The following PCCA variants were observed in gnomAD, a reference collection of about 807,000 sequenced individuals.
PCCA encodes the protein propionyl-CoA carboxylase subunit alpha, also known as propionyl-CoA carboxylase alpha chain, mitochondrial.
Under a neutral mutation model 101.3 loss-of-function variants are expected in PCCA, and 74 were observed. The ratio of observed to expected loss-of-function variants is 0.73; its 90% CI spans 0.61 to 0.89. The LOEUF is 0.89. Ranked by LOEUF, PCCA falls within the 40% of genes least tolerant of loss-of-function variation. The probability of loss-of-function intolerance (pLI) is 0.00; values close to 1 mark genes in which losing one functional copy is unlikely to be tolerated. For synonymous variants in PCCA, 294 were observed against 313.6 expected, an observed-to-expected ratio of 0.94 and a Z score of 0.66; for missense variants, 891 against 907.0, an observed-to-expected ratio of 0.98 and a Z score of 0.23.
At chr13:100,335,356 G>A (rs545351177) in intron 17 of PCCA, among the ~76,000 whole-genome samples, 6 of 152,252 alleles carry the variant, frequency 3.9e-5, no homozygotes, top group African/African-American at 1.4e-4. Flanking sequence ...AAAGGAAATA[G>A]CATTTGGTAA....
chr13:100,484,071 GT>G (rs1200898884), intron 21 of PCCA, among the ~76,000 whole-genome samples: 2 of 152,168 alleles, frequency 1.3e-5, no homozygotes, highest in African/African-American at 4.8e-5. Context: ...AAAGATTTTT[GT>G]TTCATGCACT....
At chr13:100,395,301 T>C (rs1312990610) in intron 19 of PCCA, among the ~76,000 whole-genome samples, 2 of 152,228 alleles carry the variant, frequency 1.3e-5, no homozygotes, top group Non-Finnish European at 2.9e-5. Context: ...TATTTCTGTC[T>C]TGTTTCTTAG....
chr13:100,490,928 A>G (rs370602454), intron 21 of PCCA: 1 of 152,288 alleles, frequency 6.6e-6, no homozygotes, highest in South Asian at 2.1e-4. Context: ...ACCCCCTCCA[A>G]CTTCAGTGAG....
intron 6 of PCCA, among the ~76,000 whole-genome samples, chr13:100,185,531 G>C (rs1181159031): frequency 1.3e-5 from 2 of 152,014 alleles, no homozygotes; most frequent in African/African-American, 4.8e-5. Flanking sequence ...ATGTTTTGCA[G>C]AGACAAGGTC....
At chr13:100,377,172 G>A (rs920370237) in intron 19 of PCCA, among the ~76,000 whole-genome samples, 1 of 152,088 alleles carries the variant, frequency 6.6e-6, no homozygotes. Context: ...GAGATGAGCC[G>A]GGTACCTCAG....
intron 12 of PCCA, among the ~76,000 whole-genome samples, chr13:100,297,973 ATTT>A (rs200402738): frequency 2.2e-5 from 3 of 138,218 alleles, no homozygotes; most frequent in Non-Finnish European, 1.6e-5. Flanking sequence ...GTGAGTGTGA[ATTT>A]TTTTTTTTTT....
chr13:100,232,145 C>T (rs1252144462), intron 7 of PCCA, among the ~76,000 whole-genome samples: 2 of 152,168 alleles, frequency 1.3e-5, no homozygotes, highest in Admixed American at 6.5e-5. Context: ...CTGGCCAGAA[C>T]AGGGCCACGC....
At chr13:100,183,602 A>G (rs1383136595) in intron 6 of PCCA, among the ~76,000 whole-genome samples, 3 of 152,110 alleles carry the variant, frequency 2.0e-5, no homozygotes, top group Non-Finnish European at 4.4e-5. Context: ...GGTCTTGAAG[A>G]TAGGTAGTGT....
Position 100,363,792 on chromosome 13 carries a change from C to T in PCCA, c.1644-4680C>T, listed in dbSNP as rs555604991. ...TTAAAATGCTTATAATCCTTTCTAACTGAAGATGCTGAGAGTTTTTATGTT... is the reference window on the plus strand; with the variant it reads ...TTAAAATGCTTATAATCCTTTCTAATTGAAGATGCTGAGAGTTTTTATGTT... On this transcript the variant is annotated intron_variant, in intron 18 of 23. Coordinates refer to ENST00000376285, the MANE Select transcript of PCCA (RefSeq NM_000282.4). Among the ~76,000 whole-genome samples, 3 of 152,266 alleles carry T rather than the reference C, an allele frequency of 2.0e-5. No individual in the cohort carries two copies. The South Asian group carries it at 6.2e-4, about 32-fold the overall frequency.
intron 12 of PCCA, among the ~76,000 whole-genome samples, chr13:100,294,838 A>C (rs1326145358): frequency 8.5e-5 from 13 of 152,224 alleles, no homozygotes. Flanking sequence ...ATCTGTATAT[A>C]ATCCTACACA....
intron 19 of PCCA, among the ~76,000 whole-genome samples, chr13:100,382,022 T>A (rs1056511117): frequency 6.6e-6 from 1 of 152,224 alleles, no homozygotes; most frequent in Admixed American, 6.5e-5. Context: ...CACAGGCGGC[T>A]TAAGTGTTAA....
At chr13:100,275,873 G>A (rs989364862) in intron 12 of PCCA, among the ~76,000 whole-genome samples, 8 of 152,026 alleles carry the variant, frequency 5.3e-5, no homozygotes, top group African/African-American at 1.2e-4. Context: ...TTTAAAGTCC[G>A]TTTACTGTCT....
intron 6 of PCCA, among the ~76,000 whole-genome samples, chr13:100,160,053 G>A (rs897563151): frequency 1.3e-5 from 2 of 151,296 alleles, no homozygotes; most frequent in African/African-American, 4.9e-5. Flanking sequence ...GATTTTTTTT[G>A]CATAACTGCT....
intron 4 of PCCA, among the ~76,000 whole-genome samples, chr13:100,134,019 A>T (rs1041291927): frequency 3.3e-5 from 5 of 151,948 alleles, no homozygotes; most frequent in African/African-American, 1.2e-4. Context: ...CGGCTTTCCT[A>T]CTTTTGAGGT....
At chr13:100,158,667 T>C (rs1478526706) in intron 6 of PCCA, among the ~76,000 whole-genome samples, 1 of 152,238 alleles carries the variant, frequency 6.6e-6, no homozygotes, top group African/African-American at 2.4e-5. Flanking sequence ...ATATATATAA[T>C]GTAATGTATT....
intron 6 of PCCA, among the ~76,000 whole-genome samples, chr13:100,191,693 G>C (rs965100698): frequency 1.3e-5 from 2 of 152,196 alleles, no homozygotes; most frequent in Non-Finnish European, 2.9e-5. Flanking sequence ...TAGTGGCATG[G>C]GAAGTGAGGG....
chr13:100,464,836 T>C (rs2082397199), intron 21 of PCCA, among the ~76,000 whole-genome samples: 1 of 152,194 alleles, frequency 6.6e-6, no homozygotes, highest in South Asian at 2.1e-4. Flanking sequence ...TAAAATATAT[T>C]CAGATGGAAA....
At chr13:100,400,376 A>G (rs2077266348) in intron 19 of PCCA, among the ~76,000 whole-genome samples, 1 of 152,076 alleles carries the variant, frequency 6.6e-6, no homozygotes, top group Admixed American at 6.6e-5. Flanking sequence ...CTAAAGTGAG[A>G]ACTACATCAC....
intron 9 of PCCA, among the ~76,000 whole-genome samples, chr13:100,262,418 C>T (rs949121137): frequency 1.3e-5 from 2 of 151,580 alleles, no homozygotes; most frequent in Non-Finnish European, 2.9e-5. Context: ...TGATACTTAG[C>T]AGTTGGTAAA....
Sources: allele counts gnomAD v4.1 joint callset (sites outside exome capture counted in the v4.1 genomes callset), GRCh38; gene constraint gnomAD v4.1.1; transcripts MANE v1.5; gene names NCBI Gene and HGNC (gene_info 2026-07-23, HGNC 2026-07-21).